The following GPALPP1 variants were observed in gnomAD, a reference collection of about 807,000 sequenced individuals.
GPALPP1 encodes the protein GPALPP motifs containing 1, also known as GPALPP motifs-containing protein 1.
Under a neutral mutation model 38.9 loss-of-function variants are expected in GPALPP1, and 30 were observed. That is an observed-to-expected ratio of 0.77 (90% confidence interval 0.58 to 1.05). The LOEUF (loss-of-function observed/expected upper bound fraction) is 1.05, where lower values mean the gene tolerates loss of function less well. Among genes scored for constraint, GPALPP1 ranks in the 50% least tolerant of loss-of-function variants. The pLI, the probability that GPALPP1 is intolerant of heterozygous loss-of-function variation, is 0.00. For synonymous variants in GPALPP1, 120 were observed against 139.2 expected (o/e 0.86, Z 0.97); for missense variants, 384 against 408.8 (o/e 0.94, Z 0.52).
At chr13:45,027,263 A>G (rs1875900138) in intron 7 of GPALPP1, among the ~76,000 whole-genome samples, 1 of 152,200 alleles carries the variant, frequency 6.6e-6, no homozygotes, top group Non-Finnish European at 1.5e-5. Flanking sequence ...CTTACTAGAT[A>G]CATCTGAAAA....
At chr13:45,019,297 G>A (rs547542309) in intron 6 of GPALPP1, among the ~76,000 whole-genome samples, 30 of 151,424 alleles carry the variant, frequency 2.0e-4, no homozygotes, top group African/African-American at 7.0e-4. Context: ...ACAGACACTC[G>A]CCACCACGCC....
intron 7 of GPALPP1, among the ~76,000 whole-genome samples, chr13:45,025,551 A>G (rs766378035): frequency 6.6e-6 from 1 of 152,104 alleles, no homozygotes; most frequent in Non-Finnish European, 1.5e-5. Context: ...ACACTGTACT[A>G]AATCCTGTGT....
Position 45,027,445 on chromosome 13 carries a change from C to G in GPALPP1, c.805-340C>G, listed in dbSNP as rs543386382. ...CGTGTTCTTACTACTTTTCTTTTAC[C>G]TTTGTTTTTGCTTCAGCCTGACAGT... On this transcript the variant is annotated intron_variant, in intron 7 of 7. Coordinates refer to ENST00000379151, the MANE Select transcript of GPALPP1 (RefSeq NM_018559.5). Among the ~76,000 whole-genome samples the G allele has an allele frequency of 2.0e-5, 3 of 152,238 alleles. No homozygotes were observed. In the East Asian group the frequency reaches 5.8e-4, roughly 29 times the overall value.
chr13:44,998,417 TC>T (rs1873442469), intron 1 of GPALPP1, among the ~76,000 whole-genome samples: 1 of 152,196 alleles, frequency 6.6e-6, no homozygotes, highest in African/African-American at 2.4e-5. Context: ...ATTTCTGCCC[TC>T]ACCAGTCCAC....
At chr13:45,036,830 A>G (rs1284684399) in exon 8 of GPALPP1, 2 of 152,164 alleles carry the variant, frequency 1.3e-5, no homozygotes, top group Non-Finnish European at 2.9e-5. Context: ...CATGGCATGC[A>G]TCTGTAGTCC....
chr13:44,993,151 G>A (rs988431315), intron 1 of GPALPP1, among the ~76,000 whole-genome samples: 14 of 152,208 alleles, frequency 9.2e-5, no homozygotes, highest in African/African-American at 2.4e-4. Flanking sequence ...ACAGTATTCC[G>A]TGTATGTATA....
At chr13:44,995,016 C>T (rs1248317174) in intron 1 of GPALPP1, among the ~76,000 whole-genome samples, 1 of 151,960 alleles carries the variant, frequency 6.6e-6, no homozygotes, top group Admixed American at 6.6e-5. Context: ...CCACACCTAA[C>T]TAATTTTGTA....
At chr13:44,997,948 T>C (rs1873410805) in intron 1 of GPALPP1, among the ~76,000 whole-genome samples, 1 of 152,222 alleles carries the variant, frequency 6.6e-6, no homozygotes, top group Non-Finnish European at 1.5e-5. Context: ...TGCTAAAAGA[T>C]GGCCTGTTCC....
chr13:44,990,588 T>A (rs1160542175), intron 1 of GPALPP1, among the ~76,000 whole-genome samples: 1 of 152,222 alleles, frequency 6.6e-6, no homozygotes. Context: ...ACGAAACGAA[T>A]GCTTCTCGGA....
In GPALPP1 at chr13:45,006,822, C is replaced by T. The variant is rs1161136687; in HGVS notation, c.323+519C>T. Among the ~76,000 whole-genome samples the T allele has an allele frequency of 1.1e-4, 16 of 151,976 alleles. 1 individual carries two copies. Among genetic ancestry groups the T allele is most frequent in the Admixed American group, 1.0e-3 (16 of 15,256 alleles). On this transcript the variant is annotated intron_variant, in intron 3 of 7. Transcript: ENST00000379151. ...GAGGTTTCATAGTTACATACCTTGA[C>T]TTTGTGTGTGGGTGTTTAATTTATA...
intron 1 of GPALPP1, among the ~76,000 whole-genome samples, chr13:44,993,402 G>A (rs1442513013): frequency 1.3e-5 from 2 of 152,174 alleles, no homozygotes; most frequent in East Asian, 1.9e-4. Flanking sequence ...TTGGGAGACC[G>A]AGGCAGGTGA....
intron 1 of GPALPP1, among the ~76,000 whole-genome samples, chr13:44,999,452 A>C (rs912483758): frequency 1.1e-4 from 16 of 152,246 alleles, no homozygotes; most frequent in Admixed American, 4.6e-4. Flanking sequence ...AGTTCATTAC[A>C]TGTTCCCAAA....
Position 45,008,795 on chromosome 13 carries a change from G to T in GPALPP1, c.324G>T (p.Arg108Ser). Residue 108 changes from arginine to serine, a missense_variant and splice_region_variant, in exon 4 of 8, where the codon AGG becomes AGT. Transcript: ENST00000379151. ...GATAAAAGTACATTTTATTTTTCAGGCCCATAATAGGTCCTGCATTGCCAC... is the reference window on the plus strand; with the variant it reads ...GATAAAAGTACATTTTATTTTTCAGTCCCATAATAGGTCCTGCATTGCCAC... ...GFKKQDDSPP[R>S]PIIGPALPPG... The T allele has an allele frequency of 1.3e-6, 2 of 1,504,182 alleles. No homozygotes were observed. The highest frequency in any genetic ancestry group is 1.8e-6 in the Non-Finnish European group (2 of 1,081,592). 93.2% of individuals were successfully genotyped at this position (1,504,182 alleles called of 1,614,324 possible). A position where few individuals can be genotyped will look rare whatever the true frequency, so the allele number is the denominator to read the frequency against.
Position 45,020,436 on chromosome 13 carries a change from A to C in GPALPP1, c.804+8A>C, listed in dbSNP as rs558490703. The C allele has an allele frequency of 1.8e-6, 2 of 1,114,418 alleles. No individual in the cohort carries two copies. Among genetic ancestry groups the C allele is most frequent in the South Asian group, 1.2e-5 (1 of 80,502 alleles). 69.0% of individuals were successfully genotyped at this position (1,114,418 alleles called of 1,614,324 possible). A position where few individuals can be genotyped will look rare whatever the true frequency, so the allele number is the denominator to read the frequency against. ...CAGGTATCTTCATACAATGTAAGTA[A>C]GAAAATAAGATATATAGAGCCAGGT... On this transcript the variant is annotated splice_region_variant and intron_variant, in intron 7 of 7. Coordinates refer to ENST00000379151, the MANE Select transcript of GPALPP1 (RefSeq NM_018559.5).
At position 45,003,478 on chromosome 13, in the gene GPALPP1, C is replaced by T. The variant is rs537295577; in HGVS notation, c.89-827C>T. Among the ~76,000 whole-genome samples the T allele has an allele frequency of 2.0e-5, 3 of 152,208 alleles. No individual in the cohort carries two copies. In the South Asian group the frequency reaches 6.2e-4, roughly 32 times the overall value. On this transcript the variant is annotated intron_variant, in intron 1 of 7. Coordinates refer to ENST00000379151, the MANE Select transcript of GPALPP1 (RefSeq NM_018559.5). ...TGGGTTAGAATATCTGAGAAAAGGG[C>T]CCATGAATCTTTTAAAAATACATAG... is the stretch of plus-strand genomic sequence containing the variant.
rs901703098 is a variant in GPALPP1, at chr13:45,006,366, T to A, written c.323+63T>A. On this transcript the variant is annotated intron_variant, in intron 3 of 7. Transcript: ENST00000379151. ...AATATTTTAACTAATGAATCTTTAA[T>A]GAATTAAAGAATTGTCTGAAATTAT... 4 of 785,506 alleles carry A rather than the reference T, an allele frequency of 5.1e-6. No homozygotes were observed. In the African/African-American group the frequency reaches 7.0e-5, roughly 14 times the overall value. 48.7% of individuals were successfully genotyped at this position (785,506 alleles called of 1,614,324 possible). A position where few individuals can be genotyped will look rare whatever the true frequency, so the allele number is the denominator to read the frequency against.
chr13:45,009,965 C>G (rs183547816), intron 4 of GPALPP1, among the ~76,000 whole-genome samples: 21 of 152,276 alleles, frequency 1.4e-4, no homozygotes, highest in Admixed American at 1.4e-3. Context: ...TCTATTACCC[C>G]TTCTCAACAC....
In GPALPP1 at chr13:45,006,235, T is replaced by A; in HGVS notation, c.255T>A (p.Asp85Glu). The A allele has an allele frequency of 6.2e-7, 1 of 1,610,554 alleles. No homozygotes were observed. Among genetic ancestry groups the A allele is most frequent in the Non-Finnish European group, 8.5e-7 (1 of 1,177,580 alleles). ...GGAAAAATCAGGATGATGACGATGA[T>A]GATGATGATGGGTTTTTTGGACCAG... is the stretch of plus-strand genomic sequence containing the variant. ...KQRKNQDDDDDDDDGFFGPAL... is the reference protein window; with the variant it reads ...KQRKNQDDDDEDDDGFFGPAL... The change falls in exon 3 of 8, where the codon GAT (aspartate) becomes GAA (glutamate). Residue 85 changes from aspartate (D) to glutamate (E), a missense_variant. Coordinates refer to ENST00000379151, the MANE Select transcript of GPALPP1 (RefSeq NM_018559.5).
chr13:44,999,069 G>A (rs762887491), intron 1 of GPALPP1, among the ~76,000 whole-genome samples: 26 of 152,158 alleles, frequency 1.7e-4, no homozygotes, highest in Non-Finnish European at 2.9e-4. Flanking sequence ...AAATTTTATT[G>A]TTGCAATCTA....
Sources: gnomAD v4.1 joint callset for allele counts (sites outside exome capture counted in the v4.1 genomes callset) on GRCh38, gnomAD v4.1.1 for gene constraint, MANE v1.5 for transcripts, NCBI Gene and HGNC (gene_info 2026-07-23, HGNC 2026-07-21) for gene names.